MED26: variants seen among roughly 807,000 people sequenced by gnomAD.
The protein encoded by MED26 is mediator of RNA polymerase II transcription subunit 26.
MED26 carries 7 observed loss-of-function variants against 43.7 expected under a neutral mutation model. The ratio of observed to expected loss-of-function variants is 0.16; its 90% CI spans 0.09 to 0.30. The LOEUF is 0.30. MED26 is among the 10% of genes least tolerant of loss of function. MED26 has a pLI of 1.00. For missense variants in MED26, 784 were observed against 840.6 expected (o/e 0.93, Z 0.83); for synonymous variants, 375 against 371.1 (o/e 1.01, Z -0.12).
At chr19:16,597,065 G>A (rs1489316687) in intron 1 of MED26, among the ~76,000 whole-genome samples, 1 of 152,196 alleles carries the variant, frequency 6.6e-6, no homozygotes, top group Non-Finnish European at 1.5e-5. Flanking sequence ...AGGTTCATGA[G>A]AACACCAAGC....
intron 1 of MED26, among the ~76,000 whole-genome samples, chr19:16,594,388 C>T (rs559273438): frequency 8.5e-5 from 13 of 152,352 alleles, no homozygotes; most frequent in African/African-American, 1.2e-4. Flanking sequence ...CGGATCTCAC[C>T]GGTACTTCCT....
At chr19:16,580,784 A>G (rs1315558349) in intron 1 of MED26, among the ~76,000 whole-genome samples, 5 of 151,930 alleles carry the variant, frequency 3.3e-5, no homozygotes, top group Non-Finnish European at 1.5e-5. Context: ...CCCTCCCCTT[A>G]TGCTCAAAGC....
At chr19:16,621,900 C>T (rs2086253161) in intron 1 of MED26, among the ~76,000 whole-genome samples, 1 of 152,124 alleles carries the variant, frequency 6.6e-6, no homozygotes, top group African/African-American at 2.4e-5. Flanking sequence ...AAACCAGTGC[C>T]ATGTAATGCT....
At chr19:16,602,149 G>A (rs904592183) in intron 1 of MED26, among the ~76,000 whole-genome samples, 3 of 152,212 alleles carry the variant, frequency 2.0e-5, no homozygotes, top group African/African-American at 7.2e-5. Context: ...GGAAAGTTCT[G>A]AGCACAGACT....
rs139895679 is a variant in MED26 at position 16,575,278 on chromosome 19, A to C, written c.*749T>G. 2 of 152,778 alleles carry C rather than the reference A, an allele frequency of 1.3e-5. No individual in the cohort carries two copies. The highest frequency in any genetic ancestry group is 3.9e-4 in the East Asian group (2 of 5,188). The allele number at this position is 152,778 out of a possible 1,614,324, so 9.5% of individuals were successfully genotyped here. ...AAAAAGAAAAGGGAGGAAGAAAGGA[A>C]AGGTTTTTTTGTCTGGTGGTCTGAT... On this transcript the variant is annotated 3_prime_UTR_variant, in exon 3 of 3. Transcript: ENST00000263390.
At position 16,575,966 on chromosome 19, in the gene MED26, C is replaced by T. The variant is rs1267579528; in HGVS notation, c.*61G>A. The T allele has an allele frequency of 6.6e-7, 1 of 1,522,344 alleles. No homozygotes were observed. The highest frequency in any genetic ancestry group is 8.9e-7 in the Non-Finnish European group (1 of 1,123,078). 94.3% of individuals were successfully genotyped at this position (1,522,344 alleles called of 1,614,324 possible). A position where few individuals can be genotyped will look rare whatever the true frequency, so the allele number is the denominator to read the frequency against. ...AGCTGGGCCCCGGCCACCTGCCCAC[C>T]TGCCTGCCCGCCCACCCGGCTTCTG... On this transcript the variant is annotated 3_prime_UTR_variant, in exon 3 of 3. Transcript: ENST00000263390.
At chr19:16,588,403 C>T (rs2086080773) in intron 1 of MED26, 1 of 152,370 alleles carries the variant, frequency 6.6e-6, no homozygotes, top group Non-Finnish European at 1.5e-5. Flanking sequence ...GAACAACCTT[C>T]AAGAGACTGC....
intron 1 of MED26, among the ~76,000 whole-genome samples, chr19:16,584,301 C>A (rs73928620): frequency 0.031 from 4,395 of 141,274 alleles, 303 homozygotes; most frequent in African/African-American, 0.12. Flanking sequence ...ACTGCCCCCC[C>A]CCGCCCCGCC....
In MED26 at chr19:16,576,223, G is replaced by A. The variant is rs765871005; in HGVS notation, c.1607C>T (p.Pro536Leu). Reference protein sequence around the residue: ...RQLHVLVPQSPPTDLPGLTRE... With the variant: ...RQLHVLVPQSLPTDLPGLTRE... The stretch of plus-strand genomic sequence containing the variant: ...GGTCAGACCAGGGAGGTCCGTGGGC[G>A]GGCTTTGAGGCACCAGCACATGCAG... Residue 536 changes from proline (P) to leucine (L), a missense_variant, in exon 3 of 3, where the codon CCG (proline) becomes CTG (leucine). Physicochemically the swap from Pro to Leu is moderately conservative, Grantham distance 98. Coordinates refer to ENST00000263390, the MANE Select transcript of MED26 (RefSeq NM_004831.5). This position sits in a 1 kb window ranked among gnomAD's most constrained non-coding sequence, Gnocchi z 6.8. 111 of 1,611,456 alleles carry A rather than the reference G, an allele frequency of 6.9e-5. 1 individual carries two copies. The South Asian group carries it at 1.1e-3, about 16-fold the overall frequency.
chr19:16,603,824 G>A (rs558432991), intron 1 of MED26, among the ~76,000 whole-genome samples: 2 of 152,262 alleles, frequency 1.3e-5, no homozygotes, highest in Admixed American at 6.5e-5. Flanking sequence ...AGTGGTGAGA[G>A]GACCCCGAGG....
rs1167295136 is a variant in MED26 at position 16,576,533 on chromosome 19, G to C, written c.1297C>G (p.Gln433Glu). ...TCTTTCTGGGTCAGAGGTTTGATCTGTCTCGTCATGGGGTCAAAGGTGAGC... is the reference window on the plus strand; with the variant it reads ...TCTTTCTGGGTCAGAGGTTTGATCTCTCTCGTCATGGGGTCAAAGGTGAGC... Reference protein sequence around the residue: ...RKLTFDPMTRQIKPLTQKEPV... With the variant: ...RKLTFDPMTREIKPLTQKEPV... Residue 433 changes from glutamine (Q) to glutamate (E), a missense_variant, in exon 3 of 3, where the codon CAG becomes GAG. Gln to Glu is a conservative substitution (Grantham distance 29, BLOSUM62 2). This residue lies in a region of MED26 where 719 missense variants were observed against 730.9 expected (regional missense o/e 0.98). Coordinates refer to ENST00000263390, the MANE Select transcript of MED26 (RefSeq NM_004831.5). This position sits in a 1 kb window ranked among gnomAD's most constrained non-coding sequence, Gnocchi z 6.8. 2 of 1,614,202 alleles carry C rather than the reference G, an allele frequency of 1.2e-6. No homozygotes were observed. Among genetic ancestry groups the C allele is most frequent in the East Asian group, 2.2e-5 (1 of 44,884 alleles).
intron 1 of MED26, among the ~76,000 whole-genome samples, chr19:16,609,182 G>A (rs2086187428): frequency 6.6e-6 from 1 of 151,950 alleles, no homozygotes; most frequent in Non-Finnish European, 1.5e-5. Context: ...GGGTATGGTG[G>A]TGCACACCTA....
At chr19:16,605,060 G>A (rs1316371857) in intron 1 of MED26, among the ~76,000 whole-genome samples, 5 of 152,168 alleles carry the variant, frequency 3.3e-5, no homozygotes, top group Non-Finnish European at 7.3e-5. Flanking sequence ...GGGGGAGGGA[G>A]AACTTTTTAA....
intron 1 of MED26, among the ~76,000 whole-genome samples, chr19:16,605,684 T>A (rs1202157252): frequency 6.6e-6 from 1 of 151,906 alleles, no homozygotes; most frequent in Non-Finnish European, 1.5e-5. Flanking sequence ...GAGGCTCGGG[T>A]GAACAGGGTG....
At chr19:16,592,862 T>C (rs188010574) in intron 1 of MED26, among the ~76,000 whole-genome samples, 1 of 152,340 alleles carries the variant, frequency 6.6e-6, no homozygotes, top group East Asian at 1.9e-4. Flanking sequence ...TACAAACCAC[T>C]GCCCTGGAAT....
At chr19:16,603,185 T>C (rs528071733) in intron 1 of MED26, among the ~76,000 whole-genome samples, 52 of 152,156 alleles carry the variant, frequency 3.4e-4, no homozygotes, top group Non-Finnish European at 2.4e-4. Flanking sequence ...TGCAAATAAA[T>C]GGACAGGGCA....
chr19:16,607,902 A>G (rs11672396), intron 1 of MED26, among the ~76,000 whole-genome samples: 11,704 of 152,274 alleles, frequency 0.077, 587 homozygotes, highest in Non-Finnish European at 0.12. Flanking sequence ...TCGTGAGCCA[A>G]TGAGGGGTGC....
At chr19:16,617,126 G>T (rs947050137) in intron 1 of MED26, among the ~76,000 whole-genome samples, 3 of 152,218 alleles carry the variant, frequency 2.0e-5, no homozygotes, top group South Asian at 4.1e-4. Context: ...GTGCCCACTC[G>T]GTCACACCCC....
intron 1 of MED26, among the ~76,000 whole-genome samples, chr19:16,596,462 T>C (rs2086120313): frequency 6.6e-6 from 1 of 152,228 alleles, no homozygotes. Flanking sequence ...CCACAATTGC[T>C]GACCACAGCC....
Sources: allele counts gnomAD v4.1 joint callset (sites outside exome capture counted in the v4.1 genomes callset), GRCh38; gene constraint gnomAD v4.1.1; regional missense constraint gnomAD v4.1.1; non-coding constraint Gnocchi (gnomAD v3.1); transcripts MANE v1.5; gene names NCBI Gene and HGNC (gene_info 2026-07-23, HGNC 2026-07-21).